SLIT3: variants seen among roughly 807,000 people sequenced by gnomAD.
SLIT3 encodes slit guidance ligand 3, also known as slit homolog 3 protein.
Under a neutral mutation model 184.0 loss-of-function variants are expected in SLIT3, and 68 were observed. The ratio of observed to expected loss-of-function variants is 0.37; its 90% CI spans 0.30 to 0.45. The LOEUF (loss-of-function observed/expected upper bound fraction) is 0.45. Ranked by LOEUF, SLIT3 falls within the 20% of genes least tolerant of loss-of-function variation. The pLI is 1.00. For synonymous variants in SLIT3, 831 were observed against 828.6 expected, an observed-to-expected ratio of 1.00 and a Z score of -0.05; for missense variants, 1,707 against 2,026.0, an observed-to-expected ratio of 0.84 and a Z score of 3.02.
At chr5:168,972,772 G>A (rs1020931468) in intron 4 of SLIT3, among the ~76,000 whole-genome samples, 1 of 152,062 alleles carries the variant, frequency 6.6e-6, no homozygotes, top group Admixed American at 6.6e-5. Flanking sequence ...GAGTTTGCTT[G>A]TTGCCTCACA....
intron 4 of SLIT3, among the ~76,000 whole-genome samples, chr5:169,060,393 A>AACAC (rs1230835165): frequency 4.1e-4 from 62 of 150,626 alleles, no homozygotes; most frequent in African/African-American, 1.5e-3. Context: ...CTCCATCTCA[A>AACAC]ACAAACAAAC....
At chr5:169,053,421 C>T (rs1480303844) in intron 4 of SLIT3, among the ~76,000 whole-genome samples, 1 of 152,050 alleles carries the variant, frequency 6.6e-6, no homozygotes, top group African/African-American at 2.4e-5. Flanking sequence ...TTTGTTTTGC[C>T]ATTTCTTCCA....
At chr5:168,713,389 G>A (rs1003978154) in intron 23 of SLIT3, among the ~76,000 whole-genome samples, 5 of 152,154 alleles carry the variant, frequency 3.3e-5, no homozygotes, top group Admixed American at 6.5e-5. Context: ...ACACTGCTCC[G>A]TGCTCAAGTA....
intron 4 of SLIT3, among the ~76,000 whole-genome samples, chr5:169,160,870 C>A (rs1762454280): frequency 6.6e-6 from 1 of 152,178 alleles, no homozygotes; most frequent in Non-Finnish European, 1.5e-5. Flanking sequence ...TCAGCATTTC[C>A]CTTTTAGCTC....
rs774074487 is a variant in SLIT3, at chr5:169,088,888, C to T, written c.413+104591G>A. Among the ~76,000 whole-genome samples, 6 of 151,748 alleles carry T rather than the reference C, an allele frequency of 4.0e-5. No homozygotes were observed. In the South Asian group the frequency reaches 6.3e-4, roughly 16 times the overall value. On this transcript the variant is annotated intron_variant, in intron 4 of 35. Coordinates refer to ENST00000519560, the MANE Select transcript of SLIT3 (RefSeq NM_003062.4). ...TACAAAAATGAGCCAGGCATGGTGG[C>T]GCATGCCTGTAGTCCCATTTGCCTG...
chr5:169,234,432 G>A (rs950004167), intron 3 of SLIT3, among the ~76,000 whole-genome samples: 2 of 152,096 alleles, frequency 1.3e-5, no homozygotes, highest in African/African-American at 4.8e-5. Flanking sequence ...TTTCTGAGAT[G>A]CAGTCTCACT....
chr5:169,051,008 G>A (rs1016092949), intron 4 of SLIT3, among the ~76,000 whole-genome samples: 3 of 152,130 alleles, frequency 2.0e-5, no homozygotes, highest in Non-Finnish European at 2.9e-5. Context: ...ATCTGAAAAC[G>A]TCACTAGCAA....
At chr5:168,737,232 T>C (rs1763467126) in intron 20 of SLIT3, among the ~76,000 whole-genome samples, 1 of 152,136 alleles carries the variant, frequency 6.6e-6, no homozygotes, top group Admixed American at 6.5e-5. Flanking sequence ...AATAAAACTA[T>C]GGATGAGGAC....
At chr5:169,077,844 T>TAA (rs57058518) in intron 4 of SLIT3, among the ~76,000 whole-genome samples, 64 of 115,852 alleles carry the variant, frequency 5.5e-4, no homozygotes, top group South Asian at 1.2e-3. Flanking sequence ...CTTCAATTAC[T>TAA]AAAAAAAAAA....
At chr5:169,042,483 C>T (rs1455668680) in intron 4 of SLIT3, among the ~76,000 whole-genome samples, 4 of 152,158 alleles carry the variant, frequency 2.6e-5, no homozygotes, top group African/African-American at 4.8e-5. Flanking sequence ...CTATCAAATC[C>T]GGTGCCCCTC....
intron 8 of SLIT3, among the ~76,000 whole-genome samples, chr5:168,812,955 T>C (rs1414262114): frequency 6.6e-6 from 1 of 152,174 alleles, no homozygotes; most frequent in East Asian, 1.9e-4. Flanking sequence ...ATTTCATTTT[T>C]AATAATAAAT....
chr5:168,927,000 C>A (rs375956040), intron 4 of SLIT3, among the ~76,000 whole-genome samples: 4 of 152,164 alleles, frequency 2.6e-5, no homozygotes, highest in South Asian at 2.1e-4. Context: ...AATTACCATA[C>A]GATCCAGCAG....
intron 20 of SLIT3, 118 bp from the exon 21 acceptor site, chr5:168,724,602 C>A: frequency 1.8e-6 from 1 of 553,400 alleles, no homozygotes; most frequent in East Asian, 2.9e-5. Flanking sequence ...ACTCTTAGAG[C>A]CTCCCTCCCC....
intron 14 of SLIT3, among the ~76,000 whole-genome samples, chr5:168,766,044 G>A (rs1755333904): frequency 6.6e-6 from 1 of 152,230 alleles, no homozygotes; most frequent in African/African-American, 2.4e-5. Flanking sequence ...GTGTGGGACA[G>A]GTAGGGAGCC....
At chr5:168,745,731 A>T (rs1460673552) in intron 20 of SLIT3, among the ~76,000 whole-genome samples, 2 of 152,192 alleles carry the variant, frequency 1.3e-5, no homozygotes, top group Non-Finnish European at 2.9e-5. Context: ...ATTTTAAAAG[A>T]ACTTCTACTA....
At chr5:169,045,593 T>C (rs1581347083) in intron 4 of SLIT3, among the ~76,000 whole-genome samples, 1 of 152,204 alleles carries the variant, frequency 6.6e-6, no homozygotes, top group South Asian at 2.1e-4. Context: ...AATATGTGTA[T>C]ATGAGTATTT....
In SLIT3 at chr5:168,772,854, G is replaced by T. The variant is rs776161113; in HGVS notation, c.1386C>A (p.Ala462=). 1 of 1,614,160 alleles carries T rather than the reference G, an allele frequency of 6.2e-7. No individual in the cohort carries two copies. Among genetic ancestry groups the T allele is most frequent in the Non-Finnish European group, 8.5e-7 (1 of 1,180,044 alleles). The change falls in exon 14 of 36, where the codon GCC becomes GCA. Residue 462 remains alanine, a synonymous_variant. Transcript: ENST00000519560. ...LQDNPIETSG[A]RCSSPRRLAN... ...CGAGTCGGCGCGGGCTGCTGCAGCGGGCCCCGCTTGTCTCGATGGGGTTGT... is the reference window on the plus strand; with the variant it reads ...CGAGTCGGCGCGGGCTGCTGCAGCGTGCCCCGCTTGTCTCGATGGGGTTGT...
At chr5:168,697,133 C>T (rs1762086524) in intron 27 of SLIT3, among the ~76,000 whole-genome samples, 1 of 152,230 alleles carries the variant, frequency 6.6e-6, no homozygotes, top group African/African-American at 2.4e-5. Context: ...AACTGTTCTT[C>T]AGGGATGCCA....
chr5:168,830,080 C>A (rs1446097733), intron 6 of SLIT3, among the ~76,000 whole-genome samples: 1 of 152,162 alleles, frequency 6.6e-6, no homozygotes, highest in Non-Finnish European at 1.5e-5. Flanking sequence ...ATGACCAGGC[C>A]CTACGACACT....
Sources: allele counts gnomAD v4.1 joint callset (sites outside exome capture counted in the v4.1 genomes callset), GRCh38; gene constraint gnomAD v4.1.1; transcripts MANE v1.5; gene names NCBI Gene and HGNC (gene_info 2026-07-23, HGNC 2026-07-21).